The following RBFOX1 variants were observed in gnomAD, a reference collection of about 807,000 sequenced individuals.
The protein encoded by RBFOX1 is RNA binding fox-1 homolog 1, also known as RNA binding protein fox-1 homolog 1.
In RBFOX1, 8 loss-of-function variants were observed where a neutral mutation model predicts 57.7. The observed-to-expected ratio is 0.14, with a 90% CI of 0.08 to 0.25. The LOEUF is 0.25. RBFOX1 is among the 10% of genes least tolerant of loss of function. RBFOX1 has a pLI of 1.00. For missense variants in RBFOX1, 611 were observed against 548.5 expected, an observed-to-expected ratio of 1.11 and a Z score of -1.14; for synonymous variants, 326 against 222.4, an observed-to-expected ratio of 1.47 and a Z score of -4.15.
chr16:5,242,848 G>A (rs2062200781), intron 1 of RBFOX1, among the ~76,000 whole-genome samples: 1 of 152,094 alleles, frequency 6.6e-6, no homozygotes, highest in Non-Finnish European at 1.5e-5. Context: ...CTCCCAGGCT[G>A]TGCTCTTGTG....
At chr16:5,867,037 T>C (rs1261899171) in intron 3 of RBFOX1, among the ~76,000 whole-genome samples, 1 of 152,156 alleles carries the variant, frequency 6.6e-6, no homozygotes, top group Non-Finnish European at 1.5e-5. Context: ...TCCCCACTTA[T>C]TTTTTTCTTG....
chr16:6,079,379 A>G lies in RBFOX1; in HGVS notation c.-127+59387A>G, dbSNP rs1189115213. Among the ~76,000 whole-genome samples, 3 of 152,162 alleles carry G rather than the reference A, an allele frequency of 2.0e-5. No individual in the cohort carries two copies. The East Asian group carries it at 5.8e-4, about 29-fold the overall frequency. On this transcript the variant is annotated intron_variant, in intron 1 of 15. Transcript: ENST00000550418. Reference sequence around the variant, plus strand: ...CAGGTTGGAGTGTGGCAGTATGAATATGGCTCACTGCAGCCTTGACCTCCT... The same window carrying G: ...CAGGTTGGAGTGTGGCAGTATGAATGTGGCTCACTGCAGCCTTGACCTCCT...
At chr16:6,056,650 C>G (rs959040472) in intron 1 of RBFOX1, among the ~76,000 whole-genome samples, 2 of 152,092 alleles carry the variant, frequency 1.3e-5, no homozygotes, top group South Asian at 2.1e-4. Context: ...GGTCGCTGAC[C>G]AAATCAATGA....
intron 4 of RBFOX1, among the ~76,000 whole-genome samples, chr16:7,138,490 T>C (rs368989463): frequency 4.6e-5 from 7 of 152,206 alleles, no homozygotes; most frequent in Admixed American, 1.3e-4. Flanking sequence ...AGAATGAGCA[T>C]GCACATCTCT....
chr16:7,350,886 G>T (rs999372315), intron 4 of RBFOX1, among the ~76,000 whole-genome samples: 4 of 152,174 alleles, frequency 2.6e-5, no homozygotes, highest in African/African-American at 4.8e-5. Context: ...TGTAGTATGT[G>T]TGTTTAATTG....
intron 3 of RBFOX1, among the ~76,000 whole-genome samples, chr16:6,725,615 G>C (rs1266885957): frequency 6.6e-6 from 1 of 152,140 alleles, no homozygotes; most frequent in East Asian, 1.9e-4. Flanking sequence ...TCTTGGGGCT[G>C]CTATGCCTAT....
intron 13 of RBFOX1, chr16:7,671,473 G>C (rs2071412072): frequency 1.5e-6 from 2 of 1,292,358 alleles, no homozygotes; most frequent in Non-Finnish European, 2.2e-6. Flanking sequence ...TAAATGAATT[G>C]CTCTGGAATT....
chr16:6,465,369 A>G (rs1157846185), intron 2 of RBFOX1, among the ~76,000 whole-genome samples: 1 of 152,192 alleles, frequency 6.6e-6, no homozygotes, highest in East Asian at 1.9e-4. Flanking sequence ...AGTGTAGGGT[A>G]AACCTGTAAG....
At chr16:5,874,392 C>T (rs144724953) in intron 4 of RBFOX1, among the ~76,000 whole-genome samples, 15 of 152,080 alleles carry the variant, frequency 9.9e-5, no homozygotes, top group South Asian at 8.3e-4. Context: ...GGGGCACAGT[C>T]GGGGATTTAC....
At chr16:7,343,439 G>T (rs2096935334) in intron 4 of RBFOX1, among the ~76,000 whole-genome samples, 1 of 152,132 alleles carries the variant, frequency 6.6e-6, no homozygotes, top group Non-Finnish European at 1.5e-5. Context: ...TTTGGGAGCT[G>T]GTATTGACCA....
At chr16:5,415,939 C>T (rs2067148800) in intron 1 of RBFOX1, among the ~76,000 whole-genome samples, 1 of 152,172 alleles carries the variant, frequency 6.6e-6, no homozygotes, top group South Asian at 2.1e-4. Flanking sequence ...TGTCCCTCTG[C>T]ATGTGTGTGG....
intron 1 of RBFOX1, among the ~76,000 whole-genome samples, chr16:5,421,950 C>A (rs2067341657): frequency 1.3e-5 from 2 of 152,212 alleles, no homozygotes; most frequent in Non-Finnish European, 1.5e-5. Context: ...ACGAAAAGAG[C>A]CATGATGCCT....
chr16:6,135,355 T>A (rs2096658802), intron 1 of RBFOX1, among the ~76,000 whole-genome samples: 1 of 152,210 alleles, frequency 6.6e-6, no homozygotes, highest in African/African-American at 2.4e-5. Context: ...GATAAGAGAA[T>A]GAGATGACAA....
Position 6,584,783 on chromosome 16 carries a change from C to T in RBFOX1, c.-63-69820C>T, listed in dbSNP as rs572728752. ...CACCAAGGCAGGACCAGCCTGGCAC[C>T]GATCACTGAAGGATTGTGATTAAGT... On this transcript the variant is annotated intron_variant, in intron 2 of 15. Transcript: ENST00000550418. 3.2e-3 allele frequency among the ~76,000 whole-genome samples: 486 copies of T among 152,198 alleles called. 2 individuals are homozygous for T. Among genetic ancestry groups the T allele is most frequent in the Middle Eastern group, 6.8e-3 (2 of 294 alleles).
chr16:5,251,968 A>G (rs1445874182), intron 1 of RBFOX1, among the ~76,000 whole-genome samples: 1 of 151,808 alleles, frequency 6.6e-6, no homozygotes, highest in African/African-American at 2.4e-5. Context: ...TCTTCTTGCC[A>G]AGGTCTGGGG....
intron 2 of RBFOX1, among the ~76,000 whole-genome samples, chr16:6,633,677 T>A (rs72762959): frequency 4.6e-5 from 7 of 151,926 alleles, no homozygotes; most frequent in African/African-American, 1.5e-4. Flanking sequence ...AGCCAGTTAC[T>A]GATGGCTGTA....
At chr16:7,026,093 G>C (rs1407192388) in intron 3 of RBFOX1, among the ~76,000 whole-genome samples, 1 of 152,142 alleles carries the variant, frequency 6.6e-6, no homozygotes, top group African/African-American at 2.4e-5. Flanking sequence ...CTTGCTATGT[G>C]GGCAGGACTA....
intron 2 of RBFOX1, among the ~76,000 whole-genome samples, chr16:6,513,817 A>T (rs149419188): frequency 2.0e-5 from 3 of 152,172 alleles, no homozygotes; most frequent in Non-Finnish European, 2.9e-5. Flanking sequence ...TGCAGAGCCA[A>T]TCAGTTCAAG....
chr16:5,709,844 T>TATATATATA (rs60321066), intron 3 of RBFOX1, among the ~76,000 whole-genome samples: 24 of 6,862 alleles, frequency 3.5e-3, no homozygotes, highest in African/African-American at 8.8e-3. Context: ...TATATATATA[T>TATATATATA]TTTTTTTTTT....
Sources: allele counts gnomAD v4.1 joint callset (sites outside exome capture counted in the v4.1 genomes callset), GRCh38; gene constraint gnomAD v4.1.1; transcripts MANE v1.5; gene names NCBI Gene and HGNC (gene_info 2026-07-23, HGNC 2026-07-21).